The following DHRSX variants were observed in gnomAD, a reference collection of about 807,000 sequenced individuals.
DHRSX encodes the protein polyprenol dehydrogenase.
Under a neutral mutation model 34.0 loss-of-function variants are expected in DHRSX, and 31 were observed. The observed-to-expected ratio is 0.91, with a 90% confidence interval of 0.69 to 1.23. DHRSX has a LOEUF of 1.23. Ranked by LOEUF, DHRSX falls within the 50% of genes most tolerant of loss-of-function variation. The probability of loss-of-function intolerance (pLI) is 0.00; values close to 1 mark genes in which losing one functional copy is unlikely to be tolerated. For missense variants in DHRSX, 414 were observed against 428.1 expected, an observed-to-expected ratio of 0.97 and a Z score of 0.29; for synonymous variants, 201 against 183.8, an observed-to-expected ratio of 1.09 and a Z score of -0.76.
chrX:2,435,233 C>A (rs1476434249), intron 1 of DHRSX, among the ~76,000 whole-genome samples: 3 of 152,114 alleles, frequency 2.0e-5, no homozygotes, highest in Non-Finnish European at 4.4e-5. Context: ...GCTTCACAAA[C>A]CTGCACGCAC....
At chrX:2,499,761 T>A (rs2032066800) in intron 1 of DHRSX, among the ~76,000 whole-genome samples, 1 of 151,728 alleles carries the variant, frequency 6.6e-6, no homozygotes, top group Non-Finnish European at 1.5e-5. Flanking sequence ...AATTAAAACA[T>A]TAGACAGGTG....
intron 3 of DHRSX, among the ~76,000 whole-genome samples, chrX:2,386,139 A>C (rs1374057957): frequency 6.6e-6 from 1 of 151,704 alleles, no homozygotes. Context: ...GGTTTGGAAA[A>C]AGTATATAGA....
At chrX:2,487,919 G>A (rs910245883) in intron 1 of DHRSX, 1 of 151,864 alleles carries the variant, frequency 6.6e-6, no homozygotes. Flanking sequence ...CAGTGATCTG[G>A]ACCTCGCAGA....
At chrX:2,485,857 A>AGGAAGGAAGGGAGAGAAGGAAG (rs2044907213) in intron 1 of DHRSX, among the ~76,000 whole-genome samples, 4 of 74,716 alleles carry the variant, frequency 5.4e-5, no homozygotes, top group African/African-American at 1.0e-4. Context: ...AGAGAAAGAA[A>AGGAAGGAAGGGAGAGAAGGAAG]GAAGGGAAGG....
intron 4 of DHRSX, among the ~76,000 whole-genome samples, chrX:2,272,970 T>C (rs1440013989): frequency 1.3e-5 from 2 of 152,124 alleles, no homozygotes; most frequent in Non-Finnish European, 2.9e-5. Flanking sequence ...AAGAAGTCCT[T>C]ATATCAAAAA....
intron 1 of DHRSX, among the ~76,000 whole-genome samples, chrX:2,477,545 G>T (rs1389254565): frequency 6.6e-6 from 1 of 152,190 alleles, no homozygotes; most frequent in Non-Finnish European, 1.5e-5. Flanking sequence ...AAACCAGGTG[G>T]ATCAAGAAAG....
At chrX:2,495,780 G>A (rs1397839937) in intron 1 of DHRSX, among the ~76,000 whole-genome samples, 3 of 151,952 alleles carry the variant, frequency 2.0e-5, no homozygotes, top group Non-Finnish European at 2.9e-5. Flanking sequence ...GGGGGGAGGG[G>A]GGTTTGGGGG....
At chrX:2,465,520 C>T (rs754067707) in intron 1 of DHRSX, among the ~76,000 whole-genome samples, 5 of 152,032 alleles carry the variant, frequency 3.3e-5, no homozygotes, top group South Asian at 2.1e-4. Flanking sequence ...AGAAAACAGA[C>T]GGCCAGGCAC....
intron 3 of DHRSX, among the ~76,000 whole-genome samples, chrX:2,355,516 A>AAAAAAAAC (rs2042839157): frequency 2.8e-5 from 1 of 35,892 alleles, no homozygotes; most frequent in Admixed American, 1.8e-4. Context: ...CCATCTAAAA[A>AAAAAAAAC]AAAAAAAAAA....
intron 3 of DHRSX, among the ~76,000 whole-genome samples, chrX:2,303,884 GATGGATGGATGGATAA>G (rs2042053010): frequency 1.4e-5 from 2 of 144,090 alleles, no homozygotes; most frequent in African/African-American, 2.7e-5. Context: ...TGGGTGGATG[GATGGATGGATGGATAA>G]ATGGATGGAT....
chrX:2,450,559 A>C (rs1028581777), intron 1 of DHRSX, among the ~76,000 whole-genome samples: 1 of 152,096 alleles, frequency 6.6e-6, no homozygotes, highest in African/African-American at 2.4e-5. Flanking sequence ...CACAAAAGTT[A>C]CATGTCAGAA....
Position 2,319,944 on chromosome X carries a change from T to C in DHRSX, c.287-28341A>G, listed in dbSNP as rs2042288214. ...CCCGAATTCAAGCGATTCTCCTGCC[T>C]CAGCGTCATGAGTAGCTGGGATTAC... On this transcript the variant is annotated intron_variant, in intron 3 of 6. Transcript: ENST00000334651. Among the ~76,000 whole-genome samples the C allele has an allele frequency of 2.0e-5, 3 of 152,002 alleles. No homozygotes were observed. In the South Asian group the frequency reaches 6.2e-4, roughly 31 times the overall value.
chrX:2,445,232 C>A (rs1284533309), intron 1 of DHRSX, among the ~76,000 whole-genome samples: 1 of 152,112 alleles, frequency 6.6e-6, no homozygotes, highest in Non-Finnish European at 1.5e-5. Context: ...CTATAAACAA[C>A]TTTTAGGCAA....
chrX:2,379,093 G>C (rs1483393048), intron 3 of DHRSX, among the ~76,000 whole-genome samples: 1 of 152,200 alleles, frequency 6.6e-6, no homozygotes, highest in Non-Finnish European at 1.5e-5. Flanking sequence ...TTGCAGGAAA[G>C]GCTTCCAGCC....
At chrX:2,310,991 G>A (rs1373912132) in intron 3 of DHRSX, among the ~76,000 whole-genome samples, 2 of 151,552 alleles carry the variant, frequency 1.3e-5, no homozygotes, top group African/African-American at 4.9e-5. Context: ...AATCCGGGAG[G>A]CGGAGGTTGT....
chrX:2,484,673 T>A (rs1373144399), intron 1 of DHRSX, among the ~76,000 whole-genome samples: 1 of 152,092 alleles, frequency 6.6e-6, no homozygotes. Context: ...TATAAAACTC[T>A]CAGGTGAGCC....
At chrX:2,314,201 GAAGAGAGGGAGGGAAGGAGGGA>G in intron 3 of DHRSX, among the ~76,000 whole-genome samples, 1 of 60,996 alleles carries the variant, frequency 1.6e-5, no homozygotes. Flanking sequence ...AGGAGGGAAG[GAAGAGAGGGAGGGAAGGAGGGA>G]AGGAAGGGAG....
chrX:2,295,520 C>G (rs1287884781), intron 3 of DHRSX, among the ~76,000 whole-genome samples: 1 of 152,060 alleles, frequency 6.6e-6, no homozygotes, highest in Non-Finnish European at 1.5e-5. Context: ...CACGTGTATA[C>G]CTATGTAACA....
chrX:2,398,913 C>A (rs1030846698), intron 3 of DHRSX, among the ~76,000 whole-genome samples: 4 of 150,974 alleles, frequency 2.6e-5, no homozygotes, highest in Non-Finnish European at 5.9e-5. Context: ...AGTGCAGTGG[C>A]GCGATCTCGG....
Sources: allele counts gnomAD v4.1 joint callset (sites outside exome capture counted in the v4.1 genomes callset), GRCh38; gene constraint gnomAD v4.1.1; transcripts MANE v1.5; gene names NCBI Gene and HGNC (gene_info 2026-07-23, HGNC 2026-07-21).